The following INHBA variants were observed in gnomAD, a reference collection of about 807,000 sequenced individuals.
INHBA encodes the protein inhibin beta A chain.
A neutral mutation model predicts 29.0 loss-of-function variants in INHBA; 1 was observed. The observed-to-expected ratio is 0.03, with a 90% CI of 0.01 to 0.16. The LOEUF (loss-of-function observed/expected upper bound fraction) is 0.16, where lower values mean the gene tolerates loss of function less well. INHBA is among the 10% of genes least tolerant of loss of function. The pLI is 1.00. For missense variants in INHBA, 376 were observed against 545.4 expected, an observed-to-expected ratio of 0.69 and a Z score of 3.09; for synonymous variants, 242 against 216.8, an observed-to-expected ratio of 1.12 and a Z score of -1.02.
In INHBA at chr7:41,689,132, G is replaced by A. The variant is rs1167745680; in HGVS notation, c.*518C>T. The A allele has an allele frequency of 4.4e-6, 1 of 225,426 alleles. No homozygotes were observed. Among genetic ancestry groups the A allele is most frequent in the Non-Finnish European group, 8.7e-6 (1 of 115,116 alleles). The allele number at this position is 225,426 out of a possible 1,614,324, so 14.0% of individuals were successfully genotyped here. ...TGTGTGTGTGTGTGTGTGTGTGTGT[G>A]TGTGTATGCTGATATACACAGAGAT... is the stretch of plus-strand genomic sequence containing the variant. On this transcript the variant is annotated 3_prime_UTR_variant, in exon 3 of 3. Transcript: ENST00000242208.
Position 41,689,794 on chromosome 7 carries a change from C to T in INHBA, c.1137G>A (p.Arg379=), listed in dbSNP as rs574690883. The change falls in exon 3 of 3, where the codon CGG becomes CGA. Residue 379 remains arginine, a synonymous_variant. Coordinates refer to ENST00000242208, the MANE Select transcript of INHBA (RefSeq NM_002192.4). The stretch of plus-strand genomic sequence containing the variant: ...TGAGGTTGGCAAAGGGGCTATGGCC[C>T]CGCATGCGGTAGTGGTTGATGACTG... ...HSTVINHYRM[R]GHSPFANLKS... is the part of the protein sequence containing the mutation. 9.9e-6 allele frequency: 16 copies of T among 1,614,080 alleles called. No homozygotes were observed. In the South Asian group the frequency reaches 1.8e-4, roughly 18 times the overall value.
At chr7:41,696,329 C>T (rs1279310939) in intron 2 of INHBA, among the ~76,000 whole-genome samples, 2 of 152,166 alleles carry the variant, frequency 1.3e-5, no homozygotes, top group East Asian at 3.9e-4. Flanking sequence ...CTCCCTGCTC[C>T]GCTTTGTTTG....
At chr7:41,704,595 C>T (rs1184734174), upstream of INHBA, among the ~76,000 whole-genome samples, 5 of 147,720 alleles carry the variant, frequency 3.4e-5, no homozygotes, top group Admixed American at 2.0e-4. Context: ...ACATCCCCTC[C>T]GCCTCCACAC....
intron 1 of INHBA, among the ~76,000 whole-genome samples, chr7:41,701,395 C>A (rs1037779788): frequency 8.5e-5 from 13 of 152,054 alleles, no homozygotes; most frequent in African/African-American, 3.1e-4. Flanking sequence ...TCCTTTCCCC[C>A]AATTCATTCA....
chr7:41,690,484 C>T lies in INHBA; in HGVS notation c.447G>A (p.Val149=), dbSNP rs768310815. 1 of 1,613,486 alleles carries T rather than the reference C, an allele frequency of 6.2e-7. No individual in the cohort carries two copies. The highest frequency in any genetic ancestry group is 1.7e-5 in the Admixed American group (1 of 59,990). Residue 149 remains valine (V), a synonymous_variant, in exon 3 of 3, where the codon GTG becomes GTA. Coordinates refer to ENST00000242208, the MANE Select transcript of INHBA (RefSeq NM_002192.4). ...EISKEGSDLS[V]VERAEVWLFL... ...AGAGCCAGACTTCTGCACGCTCCAC[C>T]ACTGACAGGTCACTGCCTTCCTTGG...
intron 2 of INHBA, among the ~76,000 whole-genome samples, chr7:41,698,476 A>T (rs1389394017): frequency 6.6e-6 from 1 of 152,114 alleles, no homozygotes; most frequent in Non-Finnish European, 1.5e-5. Flanking sequence ...ACCTTTTCCC[A>T]CCATGAAAAG....
chr7:41,699,281 G>A (rs1376701288), intron 2 of INHBA, among the ~76,000 whole-genome samples: 1 of 152,112 alleles, frequency 6.6e-6, no homozygotes, highest in East Asian at 1.9e-4. Context: ...AAAACTGGTT[G>A]TTTTATTTAT....
At chr7:41,698,102 A>T (rs1219166674) in intron 2 of INHBA, among the ~76,000 whole-genome samples, 2 of 152,180 alleles carry the variant, frequency 1.3e-5, no homozygotes, top group Non-Finnish European at 2.9e-5. Flanking sequence ...ACTGAGAAGT[A>T]AAAAAATGAC....
chr7:41,697,775 A>G (rs1794681225), intron 2 of INHBA, among the ~76,000 whole-genome samples: 1 of 152,244 alleles, frequency 6.6e-6, no homozygotes, highest in South Asian at 2.1e-4. Flanking sequence ...ATTTGCTACA[A>G]TCATTTGGAT....
intron 2 of INHBA, among the ~76,000 whole-genome samples, chr7:41,698,024 ACT>A (rs1297348723): frequency 6.6e-6 from 1 of 152,196 alleles, no homozygotes; most frequent in Non-Finnish European, 1.5e-5. Context: ...CTTAAACTTG[ACT>A]CAATGTGAAC....
intron 2 of INHBA, 114 bp from the exon 3 acceptor site, chr7:41,690,656 A>T: frequency 7.5e-7 from 1 of 1,325,158 alleles, no homozygotes; most frequent in Non-Finnish European, 1.0e-6. Context: ...CCTCTTGAAT[A>T]GGGGTCAACA....
At chr7:41,697,470 T>C (rs948680030) in intron 2 of INHBA, among the ~76,000 whole-genome samples, 1 of 152,150 alleles carries the variant, frequency 6.6e-6, no homozygotes, top group African/African-American at 2.4e-5. Flanking sequence ...TCTACTTCTG[T>C]AGCCAGGCCT....
chr7:41,697,627 A>G (rs1256168454), intron 2 of INHBA, among the ~76,000 whole-genome samples: 1 of 152,244 alleles, frequency 6.6e-6, no homozygotes, highest in Non-Finnish European at 1.5e-5. Context: ...GCTGCACAAA[A>G]TGGTTATAAG....
At chr7:41,701,459 G>A (rs1342722544) in intron 1 of INHBA, among the ~76,000 whole-genome samples, 2 of 152,156 alleles carry the variant, frequency 1.3e-5, no homozygotes, top group Admixed American at 6.5e-5. Flanking sequence ...AGAGCGCAAT[G>A]GAACTTTTGT....
At chr7:41,695,444 T>C (rs1794624959) in intron 2 of INHBA, among the ~76,000 whole-genome samples, 1 of 152,230 alleles carries the variant, frequency 6.6e-6, no homozygotes. Flanking sequence ...GCCCTAACTT[T>C]GCATTTGGAC....
At chr7:41,701,877 C>A (rs768793179) in intron 1 of INHBA, among the ~76,000 whole-genome samples, 31 of 152,130 alleles carry the variant, frequency 2.0e-4, no homozygotes, top group Non-Finnish European at 4.3e-4. Flanking sequence ...CTTTTTCCCT[C>A]AAAGGAACAG....
At chr7:41,700,878 A>AGAGAGAGAGAGAGAGAGAG (rs1322539506) in intron 1 of INHBA, among the ~76,000 whole-genome samples, 2 of 106,902 alleles carry the variant, frequency 1.9e-5, no homozygotes, top group African/African-American at 3.8e-5. Context: ...AGAGAGAGAG[A>AGAGAGAGAGAGAGAGAGAG]AAGGATTGGC....
chr7:41,689,101 C>A lies in INHBA; in HGVS notation c.*549G>T, dbSNP rs1051361629. On this transcript the variant is annotated 3_prime_UTR_variant, in exon 3 of 3. Transcript: ENST00000242208. ...TGTATATATGTAATGTGTGGAAATG[C>A]CTGTGTGTGTGTGTGTGTGTGTGTG... 2 of 205,448 alleles carry A rather than the reference C, an allele frequency of 9.7e-6. No homozygotes were observed. The highest frequency in any genetic ancestry group is 9.0e-6 in the Non-Finnish European group (1 of 111,660). The allele number at this position is 205,448 out of a possible 1,614,324, so 12.7% of individuals were successfully genotyped here.
chr7:41,689,597 C>A lies in INHBA; in HGVS notation c.*53G>T. 2.3e-6 allele frequency: 3 copies of A among 1,298,726 alleles called. No individual in the cohort carries two copies. Among genetic ancestry groups the A allele is most frequent in the Non-Finnish European group, 3.0e-6 (3 of 1,009,188 alleles). 80.5% of individuals were successfully genotyped at this position (1,298,726 alleles called of 1,614,324 possible). ...AAACCTTAAAAATTTCTTCATTTTGCCACTGTCTTCTCTGGACAACTCTTG... is the reference window on the plus strand; with the variant it reads ...AAACCTTAAAAATTTCTTCATTTTGACACTGTCTTCTCTGGACAACTCTTG... On this transcript the variant is annotated 3_prime_UTR_variant, in exon 3 of 3. Transcript: ENST00000242208.
Sources: gnomAD v4.1 joint callset for allele counts (sites outside exome capture counted in the v4.1 genomes callset) on GRCh38, gnomAD v4.1.1 for gene constraint, MANE v1.5 for transcripts, NCBI Gene and HGNC (gene_info 2026-07-23, HGNC 2026-07-21) for gene names.